UBE4A: variants seen among roughly 807,000 people sequenced by gnomAD.
UBE4A encodes the protein ubiquitination factor E4A, also known as ubiquitin conjugation factor E4 A.
Under a neutral mutation model 117.9 loss-of-function variants are expected in UBE4A, and 48 were observed. The observed-to-expected ratio is 0.41, with a 90% confidence interval of 0.32 to 0.52. The LOEUF (loss-of-function observed/expected upper bound fraction) is 0.52, where lower values mean the gene tolerates loss of function less well. Ranked by LOEUF, UBE4A falls within the 20% of genes least tolerant of loss-of-function variation. UBE4A has a pLI of 0.33. For missense variants in UBE4A, 1,067 were observed against 1,296.3 expected (o/e 0.82, Z 2.72); for synonymous variants, 407 against 450.0 (o/e 0.90, Z 1.21).
rs782159241 is a variant in UBE4A, at chr11:118,379,605, G to T, written c.1731G>T (p.Glu577Asp). ...IYLSTKTAMT[E>D]PQMLQNCLNL... ...TTTCTACCAAGACTGCCATGACAGAGCCACAAATGCTACAAAACTGCCTAA... is the reference window on the plus strand; with the variant it reads ...TTTCTACCAAGACTGCCATGACAGATCCACAAATGCTACAAAACTGCCTAA... The change falls in exon 11 of 20, where the codon GAG becomes GAT. Residue 577 changes from glutamate to aspartate, a missense_variant. By Grantham distance (45) the Glu-to-Asp change is conservative. This residue lies in a region of UBE4A where 1,001 missense variants were observed against 1,184.0 expected (regional missense o/e 0.85). Coordinates refer to ENST00000252108, the MANE Select transcript of UBE4A (RefSeq NM_001204077.2). 26 of 1,614,086 alleles carry T rather than the reference G, an allele frequency of 1.6e-5. No homozygotes were observed. Among genetic ancestry groups the T allele is most frequent in the Non-Finnish European group, 5.1e-6 (6 of 1,180,054 alleles).
At chr11:118,383,588 C>CAAAA (rs11375309) in intron 13 of UBE4A, among the ~76,000 whole-genome samples, 10 of 54,204 alleles carry the variant, frequency 1.8e-4, no homozygotes, top group East Asian at 1.0e-3. Context: ...AAATCCCTCT[C>CAAAA]AAAAAAAAAA....
rs142300826 is a variant in UBE4A at position 118,368,659 on chromosome 11, G to A, written c.150G>A (p.Ser50=). 7.4e-6 allele frequency: 12 copies of A among 1,613,960 alleles called. No homozygotes were observed. The highest frequency in any genetic ancestry group is 1.6e-4 in the Middle Eastern group (1 of 6,084). ...SDELPASPDD[S]DNSVSESLDE... is the part of the protein sequence containing the mutation. ...AACTCCCAGCTAGCCCAGATGACTC[G>A]GATAATAGCGTGTCAGAGAGCCTGG... Residue 50 remains serine, a synonymous_variant, in exon 3 of 20, where the codon TCG becomes TCA. Transcript: ENST00000252108.
At chr11:118,390,925 C>A in intron 18 of UBE4A, 121 bp downstream of exon 18, 2 of 1,318,530 alleles carry the variant, frequency 1.5e-6, no homozygotes, top group Non-Finnish European at 2.1e-6. Flanking sequence ...TCACTTAAGC[C>A]CAGGAGTTTG....
rs1555125975 is a variant in UBE4A, at chr11:118,379,696, A to G, written c.1822A>G (p.Ile608Val). 11 of 1,614,184 alleles carry G rather than the reference A, an allele frequency of 6.8e-6. No individual in the cohort carries two copies. The highest frequency in any genetic ancestry group is 8.5e-6 in the Non-Finnish European group (10 of 1,179,982). The change falls in exon 11 of 20, where the codon ATA becomes GTA. Residue 608 changes from isoleucine to valine, a missense_variant. By Grantham distance (29) the Ile-to-Val change is conservative (BLOSUM62 3). Coordinates refer to ENST00000252108, the MANE Select transcript of UBE4A (RefSeq NM_001204077.2). ...CATAGGCAATGAGGGCTCACAGCCAATAGAGCTAACCTTTCCTTTGCCAGA... is the reference window on the plus strand; with the variant it reads ...CATAGGCAATGAGGGCTCACAGCCAGTAGAGCTAACCTTTCCTTTGCCAGA... The part of the protein sequence containing the change: ...LAIGNEGSQP[I>V]ELTFPLPDGY...
intron 11 of UBE4A, among the ~76,000 whole-genome samples, chr11:118,380,819 G>A (rs73020208): frequency 0.015 from 2,227 of 152,316 alleles, 26 homozygotes; most frequent in Non-Finnish European, 0.023. Flanking sequence ...GGCCATGTAT[G>A]TGTCTTCTAA....
At chr11:118,387,367 T>C (rs557447136) in intron 16 of UBE4A, among the ~76,000 whole-genome samples, 1 of 152,312 alleles carries the variant, frequency 6.6e-6, no homozygotes, top group Non-Finnish European at 1.5e-5. Flanking sequence ...CCCTTGGATA[T>C]TGAAATTTTT....
At chr11:118,369,633 TCCATC>T (rs1188900396) in intron 4 of UBE4A, 98 bp downstream of exon 4, 1 of 712,568 alleles carries the variant, frequency 1.4e-6, no homozygotes, top group Non-Finnish European at 2.3e-6. Flanking sequence ...TGTCCATATG[TCCATC>T]CCTCTCTCTT....
chr11:118,385,928 A>T (rs1948753125), intron 15 of UBE4A, among the ~76,000 whole-genome samples: 2 of 152,218 alleles, frequency 1.3e-5, no homozygotes, highest in South Asian at 4.1e-4. Flanking sequence ...ATGAGACTGT[A>T]AGTTTAACAA....
chr11:118,372,779 A>T, intron 6 of UBE4A, 113 bp downstream of exon 6: 1 of 1,464,676 alleles, frequency 6.8e-7, no homozygotes, highest in Non-Finnish European at 9.3e-7. Flanking sequence ...TAAATTAAGG[A>T]GGAGGGCTCA....
intron 16 of UBE4A, among the ~76,000 whole-genome samples, chr11:118,388,228 A>G (rs1193050343): frequency 6.6e-6 from 1 of 152,214 alleles, no homozygotes. Context: ...TGAAAAATCA[A>G]GAACTATCAG....
intron 4 of UBE4A, among the ~76,000 whole-genome samples, chr11:118,370,366 C>G (rs1948599436): frequency 6.6e-6 from 1 of 152,196 alleles, no homozygotes; most frequent in Non-Finnish European, 1.5e-5. Context: ...TGGCTCACAT[C>G]TGTAATCCCA....
In UBE4A at chr11:118,376,667, AG is replaced by A; in HGVS notation, c.1545del (p.Glu515AspfsTer16). The A allele has an allele frequency of 6.2e-7, 1 of 1,614,142 alleles. No homozygotes were observed. Among genetic ancestry groups the A allele is most frequent in the African/African-American group, 1.3e-5 (1 of 75,042 alleles). ...NLVTENLALT[E>X]YTLYLGFHRL... Reference sequence around the variant, plus strand: ...GTAACAGAGAACCTTGCTCTGACAGAGTACACCTTGTACTTGGGATTTCACA... The same window carrying A: ...GTAACAGAGAACCTTGCTCTGACAGATACACCTTGTACTTGGGATTTCACA... On this transcript the variant is annotated frameshift_variant, in exon 10 of 20. Transcript: ENST00000252108. LOFTEE classifies it high-confidence loss of function.
At chr11:118,371,765 G>A in intron 5 of UBE4A, 99 bp downstream of exon 5, 1 of 1,269,356 alleles carries the variant, frequency 7.9e-7, no homozygotes, top group Non-Finnish European at 1.1e-6. Flanking sequence ...ATTTATATAT[G>A]TCATAGTATG....
intron 18 of UBE4A, among the ~76,000 whole-genome samples, chr11:118,391,954 T>C (rs1591309476): frequency 6.6e-6 from 1 of 151,960 alleles, no homozygotes; most frequent in Admixed American, 6.6e-5. Context: ...AAAAAAAAGA[T>C]GAGTAGTTTT....
rs370025001 is a variant in UBE4A at position 118,384,947 on chromosome 11, TAAAAAAA to T, written c.2412+17_2412+23del. ...TTCCTTTTGGATGAAGCCATACAGG[TAAAAAAA>T]AAAAAAAAAAAAAAGATTTAACTTC... On this transcript the variant is annotated splice_donor_5th_base_variant and intron_variant, in intron 15 of 19. Coordinates refer to ENST00000252108, the MANE Select transcript of UBE4A (RefSeq NM_001204077.2). 1.6e-4 allele frequency: 173 copies of T among 1,066,638 alleles called. No homozygotes were observed. The highest frequency in any genetic ancestry group is 2.4e-4 in the East Asian group (9 of 37,730). The allele number at this position is 1,066,638 out of a possible 1,614,324, so 66.1% of individuals were successfully genotyped here.
In UBE4A at chr11:118,393,578, T is replaced by C. The variant is rs151040167; in HGVS notation, c.3074+683T>C. 2.3e-3 allele frequency among the ~76,000 whole-genome samples: 333 copies of C among 146,424 alleles called. 2 individuals carry two copies. The highest frequency in any genetic ancestry group is 7.8e-3 in the African/African-American group (309 of 39,464). ...CCTCCCAAAGTACTGGGATTACGGG[T>C]GTGAGCCACTGTGCCTGGCCTGTTT... On this transcript the variant is annotated intron_variant, in intron 19 of 19. Coordinates refer to ENST00000252108, the MANE Select transcript of UBE4A (RefSeq NM_001204077.2).
intron 2 of UBE4A, among the ~76,000 whole-genome samples, chr11:118,365,454 A>T (rs969974702): frequency 2.6e-5 from 4 of 152,212 alleles, no homozygotes; most frequent in Admixed American, 1.3e-4. Context: ...GTTCCATAGT[A>T]ACAGATGCCA....
intron 10 of UBE4A, among the ~76,000 whole-genome samples, chr11:118,378,347 T>A (rs936931460): frequency 1.3e-5 from 2 of 152,018 alleles, no homozygotes; most frequent in South Asian, 4.1e-4. Flanking sequence ...AGGGAGCTAA[T>A]GAGATCAATA....
Position 118,373,482 on chromosome 11 carries a change from C to T in UBE4A, c.925-12C>T, listed in dbSNP as rs1486778634. 3 of 1,605,510 alleles carry T rather than the reference C, an allele frequency of 1.9e-6. No homozygotes were observed. Among genetic ancestry groups the T allele is most frequent in the Non-Finnish European group, 2.6e-6 (3 of 1,175,620 alleles). On this transcript the variant is annotated splice_polypyrimidine_tract_variant and intron_variant, in intron 7 of 19. Transcript: ENST00000252108. ...ATGAAGATGAATAAGCAGAACTTGT[C>T]TTCTCTTACAGGTTTTTGTAGAATA...
Sources: allele counts gnomAD v4.1 joint callset (sites outside exome capture counted in the v4.1 genomes callset), GRCh38; gene constraint gnomAD v4.1.1; regional missense constraint gnomAD v4.1.1; transcripts MANE v1.5; gene names NCBI Gene and HGNC (gene_info 2026-07-23, HGNC 2026-07-21).